Variants in CNTNAP2 observed in about 807,000 individuals in gnomAD.
CNTNAP2 encodes the protein contactin-associated protein-like 2.
Under a neutral mutation model 155.2 loss-of-function variants are expected in CNTNAP2, and 98 were observed. The observed-to-expected ratio is 0.63, with a 90% CI of 0.54 to 0.75. CNTNAP2 has a LOEUF of 0.75. CNTNAP2 is among the 30% of genes least tolerant of loss of function. CNTNAP2 has a pLI of 0.00. For missense variants in CNTNAP2, 1,727 were observed against 1,688.1 expected (o/e 1.02, Z -0.40); for synonymous variants, 651 against 631.2 (o/e 1.03, Z -0.47).
Position 148,415,720 on chromosome 7 carries a change from T to C in CNTNAP2, c.*104T>C, listed in dbSNP as rs956843110. 176 of 1,310,130 alleles carry C rather than the reference T, an allele frequency of 1.3e-4. 1 individual carries two copies. In the East Asian group the frequency reaches 4.0e-3, roughly 30 times the overall value. The allele number at this position is 1,310,130 out of a possible 1,614,324, so 81.2% of individuals were successfully genotyped here. A position where few individuals can be genotyped will look rare whatever the true frequency, so the allele number is the denominator to read the frequency against. The stretch of plus-strand genomic sequence containing the variant: ...TACTCTTGAGCACATCCTTAAAATA[T>C]CAGCACAAGTTGGGGGAGGCAGGCA... On this transcript the variant is annotated 3_prime_UTR_variant, in exon 24 of 24. Transcript: ENST00000361727.
At chr7:146,692,163 T>G (rs1414110004) in intron 1 of CNTNAP2, among the ~76,000 whole-genome samples, 1 of 152,180 alleles carries the variant, frequency 6.6e-6, no homozygotes, top group African/African-American at 2.4e-5. Context: ...CGTAGTCTTC[T>G]ACATTTCCTT....
intron 18 of CNTNAP2, among the ~76,000 whole-genome samples, chr7:148,200,315 T>A (rs1795347785): frequency 1.3e-5 from 2 of 152,308 alleles, no homozygotes; most frequent in Non-Finnish European, 2.9e-5. Flanking sequence ...TTATTAAAAT[T>A]CATTTCACTT....
intron 1 of CNTNAP2, among the ~76,000 whole-genome samples, chr7:146,385,020 G>A (rs1795440638): frequency 6.6e-6 from 1 of 152,078 alleles, no homozygotes; most frequent in African/African-American, 2.4e-5. Context: ...GTCCTTATTT[G>A]TATAGTCACT....
chr7:148,265,368 G>T (rs987474199), intron 20 of CNTNAP2, among the ~76,000 whole-genome samples: 3 of 152,066 alleles, frequency 2.0e-5, no homozygotes, highest in African/African-American at 7.2e-5. Flanking sequence ...TGACCTCCTG[G>T]CCTCAAGCTA....
At chr7:146,908,482 T>G (rs1373671600) in intron 3 of CNTNAP2, among the ~76,000 whole-genome samples, 18 of 136,446 alleles carry the variant, frequency 1.3e-4, no homozygotes, top group African/African-American at 2.0e-4. Context: ...AAACTAGAAC[T>G]CAGGATTAAG....
At chr7:146,814,434 A>C (rs1563242482) in intron 2 of CNTNAP2, among the ~76,000 whole-genome samples, 1 of 152,164 alleles carries the variant, frequency 6.6e-6, no homozygotes, top group Non-Finnish European at 1.5e-5. Context: ...TAATGGAAAA[A>C]ATGCTAAAAA....
At chr7:147,986,947 A>G (rs1801629535) in intron 15 of CNTNAP2, among the ~76,000 whole-genome samples, 1 of 151,780 alleles carries the variant, frequency 6.6e-6, no homozygotes, top group South Asian at 2.1e-4. Flanking sequence ...AAGGCATGAA[A>G]AAAAAAACAA....
In CNTNAP2 at chr7:146,518,185, A is replaced by G. The variant is rs188977775; in HGVS notation, c.98-256086A>G. Among the ~76,000 whole-genome samples the G allele has an allele frequency of 1.6e-4, 25 of 152,044 alleles. No homozygotes were observed. In the East Asian group the frequency reaches 2.9e-3, roughly 18 times the overall value. On this transcript the variant is annotated intron_variant, in intron 1 of 23. Coordinates refer to ENST00000361727, the MANE Select transcript of CNTNAP2 (RefSeq NM_014141.6). The stretch of plus-strand genomic sequence containing the variant: ...CTGTATGCAGTTCCAATATATATTC[A>G]AGTTACCATAGAATTGAACGTTATC...
intron 1 of CNTNAP2, among the ~76,000 whole-genome samples, chr7:146,320,805 T>G (rs936262412): frequency 1.4e-4 from 21 of 152,148 alleles, no homozygotes; most frequent in Non-Finnish European, 1.5e-5. Context: ...ATTCTTGATT[T>G]ATAAAGAAAA....
chr7:147,062,126 T>TAA (rs1799690697), intron 4 of CNTNAP2, among the ~76,000 whole-genome samples: 1 of 20,668 alleles, frequency 4.8e-5, no homozygotes, highest in Non-Finnish European at 9.7e-5. Context: ...AGACTCCGTC[T>TAA]CAAAAAAAAA....
intron 14 of CNTNAP2, among the ~76,000 whole-genome samples, chr7:147,925,827 T>A (rs1800388866): frequency 1.3e-5 from 2 of 152,186 alleles, no homozygotes; most frequent in African/African-American, 4.8e-5. Context: ...CAAAATAGTT[T>A]CACTGCTGAA....
chr7:147,794,542 T>A (rs566992616), intron 13 of CNTNAP2, among the ~76,000 whole-genome samples: 5 of 152,090 alleles, frequency 3.3e-5, no homozygotes, highest in African/African-American at 1.2e-4. Flanking sequence ...TTTGATTTGC[T>A]AGCATTTCAT....
intron 9 of CNTNAP2, among the ~76,000 whole-genome samples, chr7:147,351,198 C>A (rs562157364): frequency 2.6e-3 from 400 of 151,666 alleles, no homozygotes; most frequent in Non-Finnish European, 3.7e-3. Flanking sequence ...ATATATTAAG[C>A]CCTGATATAT....
At chr7:147,817,634 G>A (rs1338023769) in intron 13 of CNTNAP2, among the ~76,000 whole-genome samples, 1 of 152,072 alleles carries the variant, frequency 6.6e-6, no homozygotes, top group Non-Finnish European at 1.5e-5. Context: ...GCCGGGCGTG[G>A]TGGCTCATGC....
chr7:148,248,153 A>G (rs1208074272), intron 20 of CNTNAP2, among the ~76,000 whole-genome samples: 1 of 151,654 alleles, frequency 6.6e-6, no homozygotes, highest in African/African-American at 2.4e-5. Flanking sequence ...GCATTTACTG[A>G]TCAAATTTCT....
chr7:146,862,020 T>A (rs1215415072), intron 3 of CNTNAP2, among the ~76,000 whole-genome samples: 1 of 152,128 alleles, frequency 6.6e-6, no homozygotes, highest in Non-Finnish European at 1.5e-5. Flanking sequence ...CTGTGGTTCA[T>A]CCTCTTGTAT....
At chr7:146,168,714 T>C (rs1342021089) in intron 1 of CNTNAP2, among the ~76,000 whole-genome samples, 1 of 152,210 alleles carries the variant, frequency 6.6e-6, no homozygotes, top group Non-Finnish European at 1.5e-5. Flanking sequence ...TTCATTATCA[T>C]TTCAAACCTG....
intron 13 of CNTNAP2, among the ~76,000 whole-genome samples, chr7:147,694,183 T>A (rs965075400): frequency 6.6e-6 from 1 of 152,060 alleles, no homozygotes; most frequent in African/African-American, 2.4e-5. Context: ...GTTGTACCAG[T>A]CTTGCATATC....
chr7:146,527,068 T>TA (rs1336824893), intron 1 of CNTNAP2, among the ~76,000 whole-genome samples: 1 of 152,116 alleles, frequency 6.6e-6, no homozygotes, highest in East Asian at 1.9e-4. Context: ...AGTCTTATAA[T>TA]AAAAAATCCC....
Sources: allele counts gnomAD v4.1 joint callset (sites outside exome capture counted in the v4.1 genomes callset), GRCh38; gene constraint gnomAD v4.1.1; transcripts MANE v1.5; gene names NCBI Gene and HGNC (gene_info 2026-07-23, HGNC 2026-07-21).